Variants in PARD3B observed in about 807,000 individuals in gnomAD.
PARD3B encodes par-3 family cell polarity regulator beta, also known as partitioning defective 3 homolog B.
In PARD3B, 103 loss-of-function variants were observed where a neutral mutation model predicts 130.2. That is an observed-to-expected ratio of 0.79 (90% CI 0.67 to 0.93). The LOEUF (loss-of-function observed/expected upper bound fraction) is 0.93. Among genes scored for constraint, PARD3B ranks in the 40% least tolerant of loss-of-function variants. The pLI, the probability that PARD3B is intolerant of heterozygous loss-of-function variation, is 0.00. For synonymous variants in PARD3B, 583 were observed against 553.2 expected (o/e 1.05, Z -0.76); for missense variants, 1,609 against 1,499.2 (o/e 1.07, Z -1.21).
chr2:205,160,333 G>A lies in PARD3B; in HGVS notation c.1620+1426G>A, dbSNP rs549334434. On this transcript the variant is annotated intron_variant, in intron 11 of 22. Coordinates refer to ENST00000406610, the MANE Select transcript of PARD3B (RefSeq NM_001302769.2). This position sits in a 1 kb window ranked among gnomAD's most constrained non-coding sequence, Gnocchi z 4.0. ...GATCCCACTGTAACTCTGCAGATCT[G>A]AGTGTGCTGCACTTCTTTCTCCTGC... Among the ~76,000 whole-genome samples the A allele has an allele frequency of 2.0e-5, 3 of 152,188 alleles. No homozygotes were observed. The highest frequency in any genetic ancestry group is 4.4e-5 in the Non-Finnish European group (3 of 68,038).
chr2:205,302,928 G>A (rs2042063372), intron 18 of PARD3B, among the ~76,000 whole-genome samples: 1 of 152,190 alleles, frequency 6.6e-6, no homozygotes, highest in Non-Finnish European at 1.5e-5. Context: ...GATTTCATAT[G>A]CTATACATTC....
At chr2:205,049,702 G>A (rs922398726) in intron 4 of PARD3B, among the ~76,000 whole-genome samples, 4 of 152,148 alleles carry the variant, frequency 2.6e-5, no homozygotes, top group Non-Finnish European at 5.9e-5. Context: ...TTCCAAGTTG[G>A]GGTATGGGGC....
chr2:204,763,806 A>G (rs1174728833), intron 2 of PARD3B, among the ~76,000 whole-genome samples: 3 of 152,134 alleles, frequency 2.0e-5, no homozygotes, highest in Non-Finnish European at 4.4e-5. Flanking sequence ...CCATTTATTC[A>G]CCTTCAATAC....
At position 204,689,423 on chromosome 2, in the gene PARD3B, T is replaced by G. The variant is rs149472795; in HGVS notation, c.222+3141T>G. On this transcript the variant is annotated intron_variant, in intron 2 of 22. Coordinates refer to ENST00000406610, the MANE Select transcript of PARD3B (RefSeq NM_001302769.2). This position sits in a 1 kb window ranked among gnomAD's most constrained non-coding sequence, Gnocchi z 5.2. Reference sequence around the variant, plus strand: ...TTGCATCTTATGATAACTATTTGTATAAAATGTTGTGCTGAAACTTAATAA... The same window carrying G: ...TTGCATCTTATGATAACTATTTGTAGAAAATGTTGTGCTGAAACTTAATAA... 4.9e-3 allele frequency among the ~76,000 whole-genome samples: 742 copies of G among 152,282 alleles called. 6 individuals carry two copies. The highest frequency in any genetic ancestry group is 0.017 in the African/African-American group (721 of 41,566).
At chr2:204,580,483 G>C (rs2032497358) in intron 1 of PARD3B, among the ~76,000 whole-genome samples, 1 of 152,126 alleles carries the variant, frequency 6.6e-6, no homozygotes, top group African/African-American at 2.4e-5. Context: ...TCTGTCATCT[G>C]ACCCTAGCCG....
intron 2 of PARD3B, among the ~76,000 whole-genome samples, chr2:204,795,337 G>C (rs1294562297): frequency 6.6e-6 from 1 of 152,164 alleles, no homozygotes; most frequent in African/African-American, 2.4e-5. Context: ...AAGGGTCTGT[G>C]AGTCATTTTG....
chr2:204,556,988 A>G (rs188092237), intron 1 of PARD3B, among the ~76,000 whole-genome samples: 217 of 147,982 alleles, frequency 1.5e-3, no homozygotes, highest in Non-Finnish European at 2.5e-3. Flanking sequence ...AAAACTCTCT[A>G]CTCATGGGCT....
intron 18 of PARD3B, among the ~76,000 whole-genome samples, chr2:205,395,448 C>A (rs970134224): frequency 1.3e-5 from 2 of 152,182 alleles, no homozygotes; most frequent in East Asian, 3.8e-4. Flanking sequence ...CTTTCTAGCT[C>A]TCTTGCTGTT....
At chr2:204,909,252 A>G (rs1472952963) in intron 2 of PARD3B, among the ~76,000 whole-genome samples, 2 of 152,198 alleles carry the variant, frequency 1.3e-5, no homozygotes, top group Admixed American at 6.5e-5. Context: ...CAGAAATTAC[A>G]TGGTTAGGTA....
intron 16 of PARD3B, among the ~76,000 whole-genome samples, chr2:205,297,411 G>T (rs1359456246): frequency 6.6e-6 from 1 of 152,174 alleles, no homozygotes; most frequent in African/African-American, 2.4e-5. Context: ...AAGAGGGATT[G>T]AAAGTGGCAA....
In PARD3B at chr2:205,158,695, C is replaced by G. The variant is rs750661920; in HGVS notation, c.1435-27C>G. On this transcript the variant is annotated intron_variant, in intron 10 of 22. Coordinates refer to ENST00000406610, the MANE Select transcript of PARD3B (RefSeq NM_001302769.2). The surrounding 1 kb of genome is among the most constrained non-coding windows in gnomAD (Gnocchi z 5.4). ...ATATTAATCTGCTTTCTTCTCTTCA[C>G]TCTTTTCATGTGTATTCCCCTAACA... is the stretch of plus-strand genomic sequence containing the variant. 3.8e-6 allele frequency: 6 copies of G among 1,577,662 alleles called. No homozygotes were observed. The highest frequency in any genetic ancestry group is 5.2e-6 in the Non-Finnish European group (6 of 1,156,822).
Position 205,187,984 on chromosome 2 carries a change from C to T in PARD3B, c.2024+2121C>T, listed in dbSNP as rs1321256156. Among the ~76,000 whole-genome samples, 2 of 152,206 alleles carry T rather than the reference C, an allele frequency of 1.3e-5. No individual in the cohort carries two copies. The highest frequency in any genetic ancestry group is 2.4e-5 in the African/African-American group (1 of 41,460). ...TCCATTCAAAAGTATTTCTGGAGCT[C>T]TGAGCCAGACACTGTAGAAAGAACT... On this transcript the variant is annotated intron_variant, in intron 14 of 22. Coordinates refer to ENST00000406610, the MANE Select transcript of PARD3B (RefSeq NM_001302769.2). This position sits in a 1 kb window ranked among gnomAD's most constrained non-coding sequence, Gnocchi z 4.9.
In PARD3B at chr2:205,124,370, C is replaced by G; in HGVS notation, c.1209C>G (p.Ser403=). ...TCACTGTGGTTACCAGAGACTCTTC[C>G]ATACATGGTCCCGGTCCCATTTTTG... ...LGFTVVTRDS[S]IHGPGPIFVK... is the part of the protein sequence containing the mutation. The change falls in exon 9 of 23, where the codon TCC becomes TCG. Residue 403 remains serine (S), a synonymous_variant. Transcript: ENST00000406610. 6.3e-7 allele frequency: 1 copy of G among 1,598,274 alleles called. No individual in the cohort carries two copies. The highest frequency in any genetic ancestry group is 1.1e-5 in the South Asian group (1 of 88,112).
At chr2:204,865,630 G>A (rs868066091) in intron 2 of PARD3B, among the ~76,000 whole-genome samples, 6 of 152,056 alleles carry the variant, frequency 3.9e-5, no homozygotes, top group East Asian at 1.9e-4. Context: ...TCGGGGACTC[G>A]GGGGAAAGGG....
chr2:205,607,775 G>A (rs886139530), intron 22 of PARD3B, among the ~76,000 whole-genome samples: 1 of 150,236 alleles, frequency 6.7e-6, no homozygotes, highest in East Asian at 2.0e-4. Flanking sequence ...GCCGTGGCAG[G>A]ATTCTCCTGT....
At chr2:204,935,805 A>T (rs1356687815) in intron 2 of PARD3B, among the ~76,000 whole-genome samples, 1 of 152,178 alleles carries the variant, frequency 6.6e-6, no homozygotes, top group Non-Finnish European at 1.5e-5. Flanking sequence ...CTGTTTTGAA[A>T]TATCAGTATT....
chr2:205,599,184 T>G (rs1165909527), intron 22 of PARD3B, among the ~76,000 whole-genome samples: 2 of 152,180 alleles, frequency 1.3e-5, no homozygotes, highest in African/African-American at 2.4e-5. Context: ...CAGAGGTTCA[T>G]GAATATGTTA....
Position 204,890,495 on chromosome 2 carries a change from T to G in PARD3B, c.223-74657T>G, listed in dbSNP as rs2046405441. 6.6e-6 allele frequency among the ~76,000 whole-genome samples: 1 copy of G among 152,168 alleles called. No individual in the cohort carries two copies. The highest frequency in any genetic ancestry group is 6.5e-5 in the Admixed American group (1 of 15,276). On this transcript the variant is annotated intron_variant, in intron 2 of 22. Transcript: ENST00000406610. The surrounding 1 kb of genome is among the most constrained non-coding windows in gnomAD (Gnocchi z 4.9). ...TGTATACATTGAATATATATTAAAT[T>G]TATTGGGTAATTATTTAAAGGAACA...
chr2:205,067,095 C>CTTTTTTTTTTTT lies in PARD3B; in HGVS notation c.504+19423_504+19434dup, dbSNP rs10672449. Among the ~76,000 whole-genome samples the CTTTTTTTTTTTT allele has an allele frequency of 3.4e-3, 200 of 59,680 alleles. 34 individuals are homozygous for CTTTTTTTTTTTT. The highest frequency in any genetic ancestry group is 6.8e-3 in the African/African-American group (93 of 13,658). The allele number at this position is 59,680 out of a possible 152,430, so 39.2% of individuals were successfully genotyped here. A position where few individuals can be genotyped will look rare whatever the true frequency, so the allele number is the denominator to read the frequency against. On this transcript the variant is annotated intron_variant, in intron 4 of 22. Transcript: ENST00000406610. ...GCATCTTGCATCCACTTTTACTAGG[C>CTTTTTTTTTTTT]TTTTTTTTTTTTTTTTTTTTTTTTT...
Sources: gnomAD v4.1 joint callset for allele counts (sites outside exome capture counted in the v4.1 genomes callset) on GRCh38, gnomAD v4.1.1 for gene constraint, Gnocchi (gnomAD v3.1) non-coding constraint, MANE v1.5 for transcripts, NCBI Gene and HGNC (gene_info 2026-07-23, HGNC 2026-07-21) for gene names.